TBC1D5: variants seen among roughly 807,000 people sequenced by gnomAD.
TBC1D5 encodes TBC1 domain family member 5, also known as TBC1 domain family, member 5.
A neutral mutation model predicts 100.3 loss-of-function variants in TBC1D5; 75 were observed. That is an observed-to-expected ratio of 0.75 (90% confidence interval 0.62 to 0.91). The LOEUF (loss-of-function observed/expected upper bound fraction) is 0.91. TBC1D5 is among the 40% of genes least tolerant of loss of function. TBC1D5 has a pLI of 0.00. For missense variants in TBC1D5, 910 were observed against 942.4 expected (o/e 0.97, Z 0.45); for synonymous variants, 323 against 325.6 (o/e 0.99, Z 0.09).
chr3:17,454,999 C>T (rs1329743578), intron 3 of TBC1D5, among the ~76,000 whole-genome samples: 2 of 151,618 alleles, frequency 1.3e-5, no homozygotes, highest in Non-Finnish European at 2.9e-5. Flanking sequence ...CTCAACATTG[C>T]TAAAATGTCC....
At chr3:17,679,657 G>A (rs1251679312) in intron 1 of TBC1D5, among the ~76,000 whole-genome samples, 1 of 151,450 alleles carries the variant, frequency 6.6e-6, no homozygotes, top group Non-Finnish European at 1.5e-5. Context: ...GAAAGAATAT[G>A]TGAAGTACAT....
intron 15 of TBC1D5, among the ~76,000 whole-genome samples, chr3:17,279,737 T>G (rs2080372440): frequency 6.6e-6 from 1 of 152,186 alleles, no homozygotes; most frequent in South Asian, 2.1e-4. Flanking sequence ...GCCACCAGTT[T>G]TGGAATAGAA....
At chr3:17,520,318 G>A (rs1466080054) in intron 2 of TBC1D5, among the ~76,000 whole-genome samples, 1 of 152,168 alleles carries the variant, frequency 6.6e-6, no homozygotes, top group Non-Finnish European at 1.5e-5. Flanking sequence ...TGCTGTTAAT[G>A]CTAGCTAATT....
chr3:17,292,045 A>G, intron 14 of TBC1D5, 44 bp from the exon 15 acceptor site: 1 of 1,486,992 alleles, frequency 6.7e-7, no homozygotes. Flanking sequence ...ACTATTTAAG[A>G]TATTCTGCAT....
At chr3:17,721,662 A>C (rs2075717852) in intron 1 of TBC1D5, among the ~76,000 whole-genome samples, 1 of 151,810 alleles carries the variant, frequency 6.6e-6, no homozygotes, top group Non-Finnish European at 1.5e-5. Context: ...ACAGAGTGAG[A>C]CCCTGTCTCA....
chr3:17,388,519 G>A (rs2093242634), intron 8 of TBC1D5, among the ~76,000 whole-genome samples: 1 of 151,710 alleles, frequency 6.6e-6, no homozygotes, highest in Non-Finnish European at 1.5e-5. Context: ...TGTAAATACT[G>A]CAATGTGTAT....
chr3:17,440,707 T>C (rs2094635490), intron 3 of TBC1D5, among the ~76,000 whole-genome samples: 1 of 152,136 alleles, frequency 6.6e-6, no homozygotes, highest in South Asian at 2.1e-4. Context: ...AGTGGCATGT[T>C]CTCGGCTTAC....
exon 22 of TBC1D5, chr3:17,159,014 G>GC (rs1158971950): frequency 6.6e-6 from 1 of 152,234 alleles, no homozygotes; most frequent in Non-Finnish European, 1.5e-5. Context: ...CTGTATGGGG[G>GC]CCCCGCGGCT....
chr3:17,636,174 G>A (rs1337935416), intron 1 of TBC1D5, among the ~76,000 whole-genome samples: 4 of 151,564 alleles, frequency 2.6e-5, no homozygotes, highest in Non-Finnish European at 4.4e-5. Flanking sequence ...GTGATAGAGC[G>A]AAACTCCATA....
rs1342580676 is a variant in TBC1D5 at position 17,699,127 on chromosome 3, A to C, written c.-101+40216T>G. On this transcript the variant is annotated intron_variant, in intron 1 of 21. Transcript: ENST00000253692. ...ATTGCGGCATTATTCACAATAGCAA[A>C]GACTTGGAACCAACCCAAATGTCCA... Among the ~76,000 whole-genome samples the C allele has an allele frequency of 5.5e-5, 8 of 144,682 alleles. No individual in the cohort carries two copies. In the East Asian group the frequency reaches 1.7e-3, roughly 30 times the overall value. 94.9% of individuals were successfully genotyped at this position (144,682 alleles called of 152,430 possible).
chr3:17,263,939 ATATAT>A (rs2078600125), intron 15 of TBC1D5, among the ~76,000 whole-genome samples: 1 of 152,156 alleles, frequency 6.6e-6, no homozygotes, highest in African/African-American at 2.4e-5. Context: ...CTTCTGAGGT[ATATAT>A]TATATGAGAG....
At chr3:17,715,905 A>G (rs2075192081) in intron 1 of TBC1D5, among the ~76,000 whole-genome samples, 1 of 152,082 alleles carries the variant, frequency 6.6e-6, no homozygotes, top group Admixed American at 6.6e-5. Context: ...AAAAATATTT[A>G]GCCAGATGTG....
At chr3:17,607,261 T>C (rs868619212) in intron 2 of TBC1D5, among the ~76,000 whole-genome samples, 1 of 129,810 alleles carries the variant, frequency 7.7e-6, no homozygotes, top group Middle Eastern at 3.9e-3. Flanking sequence ...TAATATCTAA[T>C]GTGTACAGCA....
intron 1 of TBC1D5, among the ~76,000 whole-genome samples, chr3:17,685,280 A>C (rs569269192): frequency 6.6e-6 from 1 of 152,046 alleles, no homozygotes; most frequent in Non-Finnish European, 1.5e-5. Flanking sequence ...AACCACAAAG[A>C]AAAAAATCAA....
At chr3:17,700,208 G>C (rs1375834213) in intron 1 of TBC1D5, among the ~76,000 whole-genome samples, 1 of 151,154 alleles carries the variant, frequency 6.6e-6, no homozygotes, top group Non-Finnish European at 1.5e-5. Flanking sequence ...TGACAAACCT[G>C]ACAAAAACAA....
intron 1 of TBC1D5, among the ~76,000 whole-genome samples, chr3:17,628,480 A>C (rs2063242769): frequency 6.6e-6 from 1 of 152,030 alleles, no homozygotes; most frequent in Non-Finnish European, 1.5e-5. Flanking sequence ...CCACTTCACC[A>C]TGGGCCTAAA....
At chr3:17,711,416 CA>C (rs1242351731) in intron 1 of TBC1D5, among the ~76,000 whole-genome samples, 1 of 151,974 alleles carries the variant, frequency 6.6e-6, no homozygotes, top group African/African-American at 2.4e-5. Context: ...AGAACACTAC[CA>C]ATATCTTCAA....
chr3:17,378,482 T>C (rs1306578793), intron 9 of TBC1D5, among the ~76,000 whole-genome samples: 1 of 151,934 alleles, frequency 6.6e-6, no homozygotes, highest in East Asian at 1.9e-4. Flanking sequence ...CAAAATTTTA[T>C]TGACCGTTTT....
At chr3:17,451,706 G>T (rs2094930813) in intron 3 of TBC1D5, among the ~76,000 whole-genome samples, 1 of 152,162 alleles carries the variant, frequency 6.6e-6, no homozygotes, top group African/African-American at 2.4e-5. Context: ...AAACCACCAT[G>T]GCACGTGTAT....
Sources: allele counts gnomAD v4.1 joint callset (sites outside exome capture counted in the v4.1 genomes callset), GRCh38; gene constraint gnomAD v4.1.1; transcripts MANE v1.5; gene names NCBI Gene and HGNC (gene_info 2026-07-23, HGNC 2026-07-21).